ELP3: variants seen among roughly 807,000 people sequenced by gnomAD.
The protein encoded by ELP3 is elongator complex protein 3.
ELP3 carries 56 observed loss-of-function variants against 74.9 expected under a neutral mutation model. That is an observed-to-expected ratio of 0.75 (90% CI 0.60 to 0.93). The LOEUF (loss-of-function observed/expected upper bound fraction) is 0.93, where lower values mean the gene tolerates loss of function less well. Among genes scored for constraint, ELP3 ranks in the 40% least tolerant of loss-of-function variants. ELP3 has a pLI of 0.00. For missense variants in ELP3, 573 were observed against 686.5 expected, an observed-to-expected ratio of 0.83 and a Z score of 1.85; for synonymous variants, 222 against 239.8, an observed-to-expected ratio of 0.93 and a Z score of 0.68.
intron 14 of ELP3, among the ~76,000 whole-genome samples, chr8:28,163,552 T>C (rs1814188818): frequency 6.6e-6 from 1 of 151,668 alleles, no homozygotes; most frequent in South Asian, 2.1e-4. Context: ...CATGTCTAGC[T>C]TTATTTATTT....
chr8:28,091,845 T>C (rs1386333822), upstream of ELP3, among the ~76,000 whole-genome samples: 1 of 152,222 alleles, frequency 6.6e-6, no homozygotes, highest in African/African-American at 2.4e-5. Flanking sequence ...AAGAGGGTTT[T>C]GAGGACTTCA....
At chr8:28,132,088 G>C (rs1563264390) in intron 8 of ELP3, among the ~76,000 whole-genome samples, 190 bp from the exon 9 acceptor site, 1 of 152,080 alleles carries the variant, frequency 6.6e-6, no homozygotes, top group Non-Finnish European at 1.5e-5. Flanking sequence ...GAGAGGTGGG[G>C]ATGTAAAAAA....
intron 7 of ELP3, among the ~76,000 whole-genome samples, chr8:28,114,970 G>T (rs1812066584): frequency 6.6e-6 from 1 of 152,118 alleles, no homozygotes; most frequent in Admixed American, 6.5e-5. Context: ...TCAGATGGGG[G>T]CGGCAGCAGT....
At chr8:28,092,961 A>C (rs1811097602), upstream of ELP3, 1 of 633,676 alleles carries the variant, frequency 1.6e-6, no homozygotes, top group Admixed American at 2.4e-5. Flanking sequence ...CTCCGTTCAG[A>C]CGTTCCCATC....
At chr8:28,175,082 T>C (rs992525747) in intron 14 of ELP3, among the ~76,000 whole-genome samples, 2 of 152,218 alleles carry the variant, frequency 1.3e-5, no homozygotes, top group Admixed American at 1.3e-4. Flanking sequence ...TCTCTCAGGT[T>C]TTCAACAGTT....
chr8:28,110,636 G>T, intron 6 of ELP3, 198 bp downstream of exon 6: 1 of 505,794 alleles, frequency 2.0e-6, no homozygotes, highest in Non-Finnish European at 3.5e-6. Flanking sequence ...TTTAAAGACT[G>T]TATTTATTGT....
At chr8:28,135,039 C>G (rs1812929772) in intron 9 of ELP3, among the ~76,000 whole-genome samples, 1 of 152,048 alleles carries the variant, frequency 6.6e-6, no homozygotes, top group African/African-American at 2.4e-5. Flanking sequence ...AGCAATTCTC[C>G]TGCCTCAGCC....
intron 14 of ELP3, among the ~76,000 whole-genome samples, chr8:28,188,347 G>T (rs71504483): frequency 0.21 from 27,069 of 126,794 alleles, 2,570 homozygotes; most frequent in South Asian, 0.3. Flanking sequence ...TTTCTGAGCT[G>T]CAGGGGTTCA....
intron 14 of ELP3, among the ~76,000 whole-genome samples, chr8:28,165,375 T>A (rs1814266589): frequency 6.6e-6 from 1 of 152,204 alleles, no homozygotes. Flanking sequence ...GGCGATAGTT[T>A]CCCATAGGTA....
At chr8:28,114,556 G>A (rs1563254056) in intron 7 of ELP3, among the ~76,000 whole-genome samples, 2 of 152,114 alleles carry the variant, frequency 1.3e-5, no homozygotes, top group Admixed American at 1.3e-4. Flanking sequence ...AAACAACTGA[G>A]CGAGAACTCA....
At chr8:28,169,933 CAT>C (rs1272814752) in intron 14 of ELP3, among the ~76,000 whole-genome samples, 2 of 152,142 alleles carry the variant, frequency 1.3e-5, no homozygotes, top group Non-Finnish European at 2.9e-5. Context: ...CTGCTTGTCA[CAT>C]GATGTGACAG....
At chr8:28,126,337 T>C (rs776155386) in intron 7 of ELP3, among the ~76,000 whole-genome samples, 8 of 152,194 alleles carry the variant, frequency 5.3e-5, no homozygotes, top group African/African-American at 1.2e-4. Flanking sequence ...CTCCACAATT[T>C]TTAAAAATTC....
chr8:28,100,005 A>G (rs369538007), intron 3 of ELP3, 39 bp downstream of exon 3: 63 of 1,613,346 alleles, frequency 3.9e-5, no homozygotes, highest in Middle Eastern at 1.6e-4. Context: ...CACACTGGGT[A>G]TCTGTTCTGG....
At chr8:28,185,725 G>A (rs1432782435) in intron 14 of ELP3, among the ~76,000 whole-genome samples, 1 of 152,220 alleles carries the variant, frequency 6.6e-6, no homozygotes, top group Non-Finnish European at 1.5e-5. Context: ...CAGTGGCTGA[G>A]CCCGCGTGGT....
chr8:28,183,158 G>T (rs186925788), intron 14 of ELP3: 2 of 456,012 alleles, frequency 4.4e-6, no homozygotes, highest in East Asian at 1.4e-4. Flanking sequence ...TAAAGCTCGT[G>T]TACAAATAAA....
intron 13 of ELP3, 71 bp downstream of exon 13, chr8:28,160,527 T>A: frequency 7.3e-7 from 1 of 1,368,906 alleles, no homozygotes; most frequent in Non-Finnish European, 1.0e-6. Context: ...AGGAATGGGG[T>A]GAAGAGAAGA....
chr8:28,154,126 TTGAGTTATAGTGCTGTCCA>T (rs988140319), intron 10 of ELP3, among the ~76,000 whole-genome samples: 6 of 152,212 alleles, frequency 3.9e-5, no homozygotes, highest in African/African-American at 1.4e-4. Flanking sequence ...AGCGCTGTCC[TTGAGTTATAGTGCTGTCCA>T]TGAGTTATAG....
chr8:28,129,441 T>C (rs1212861943), intron 7 of ELP3, 61 bp from the exon 8 acceptor site: 10 of 1,587,034 alleles, frequency 6.3e-6, no homozygotes, highest in African/African-American at 1.3e-5. Flanking sequence ...AGGCAGTTTT[T>C]TGAGACAGAG....
At chr8:28,094,809 G>T (rs1280553523) in intron 1 of ELP3, among the ~76,000 whole-genome samples, 3 of 152,176 alleles carry the variant, frequency 2.0e-5, no homozygotes, top group Non-Finnish European at 4.4e-5. Flanking sequence ...TAGGCATTGG[G>T]ACTGGATCCT....
Sources: gnomAD v4.1 joint callset for allele counts (sites outside exome capture counted in the v4.1 genomes callset) on GRCh38, gnomAD v4.1.1 for gene constraint, MANE v1.5 for transcripts, NCBI Gene and HGNC (gene_info 2026-07-23, HGNC 2026-07-21) for gene names.